The following SF3B2 variants were observed in gnomAD, a reference collection of about 807,000 sequenced individuals.
The protein encoded by SF3B2 is SAP 145.
A neutral mutation model predicts 116.3 loss-of-function variants in SF3B2; 22 were observed. The observed-to-expected ratio is 0.19, with a 90% CI of 0.14 to 0.27. SF3B2 has a LOEUF of 0.27. SF3B2 is among the 10% of genes least tolerant of loss of function. The probability of loss-of-function intolerance (pLI) is 1.00; values close to 1 mark genes in which losing one functional copy is unlikely to be tolerated. For missense variants in SF3B2, 767 were observed against 1,151.4 expected (o/e 0.67, Z 4.83); for synonymous variants, 406 against 421.6 (o/e 0.96, Z 0.45).
intron 19 of SF3B2, chr11:66,067,444 A>G (rs1465137096): frequency 2.2e-6 from 1 of 456,314 alleles, no homozygotes. Flanking sequence ...TGATGGGCAT[A>G]GTCTGGGGTG....
chr11:66,058,619 C>T (rs1290543058), intron 9 of SF3B2: 3 of 631,910 alleles, frequency 4.7e-6, no homozygotes, highest in South Asian at 2.0e-5. Flanking sequence ...TTCTGAGACG[C>T]ACAGTAATTT....
intron 4 of SF3B2, 90 bp downstream of exon 4, chr11:66,055,405 C>T (rs1413645155): frequency 3.8e-6 from 6 of 1,585,316 alleles, no homozygotes; most frequent in Non-Finnish European, 5.2e-6. Context: ...AGAACTAAGG[C>T]TTCTGGGAAG....
chr11:66,055,690 T>C (rs1420745464), intron 5 of SF3B2, 105 bp downstream of exon 5: 1 of 1,025,906 alleles, frequency 9.7e-7, no homozygotes, highest in Non-Finnish European at 1.5e-6. Context: ...GCTACTTTGT[T>C]CTCAACTAAG....
At chr11:66,058,022 A>T in intron 7 of SF3B2, 32 bp from the exon 8 acceptor site, 3 of 1,438,302 alleles carry the variant, frequency 2.1e-6, no homozygotes, top group Non-Finnish European at 2.9e-6. Context: ...GGGCACTGTG[A>T]TTTGCCTTCT....
intron 13 of SF3B2, 103 bp downstream of exon 13, chr11:66,060,112 T>C (rs1857076099): frequency 6.1e-6 from 6 of 978,934 alleles, no homozygotes; most frequent in South Asian, 4.4e-5. Flanking sequence ...TACCACCTAC[T>C]TGTTACTTGT....
chr11:66,062,143 T>G, intron 16 of SF3B2, 145 bp downstream of exon 16: 2 of 651,580 alleles, frequency 3.1e-6, no homozygotes, highest in South Asian at 3.9e-5. Flanking sequence ...TCATATACCA[T>G]GTGTATGTGT....
Position 66,060,633 on chromosome 11 carries a change from A to G in SF3B2, c.1681A>G (p.Met561Val). The G allele has an allele frequency of 6.2e-7, 1 of 1,614,174 alleles. No individual in the cohort carries two copies. Among genetic ancestry groups the G allele is most frequent in the Non-Finnish European group, 8.5e-7 (1 of 1,180,028 alleles). The change falls in exon 14 of 22, where the codon ATG (methionine) becomes GTG (valine). Residue 561 changes from methionine to valine, a missense_variant. Met to Val is a conservative substitution (Grantham distance 21). Coordinates refer to ENST00000322535, the MANE Select transcript of SF3B2 (RefSeq NM_006842.3). The part of the protein sequence containing the change: ...SKMREKVRPK[M>V]GKIDIDYQKL... ...AATGCGAGAGAAAGTTCGGCCTAAG[A>G]TGGGCAAAATTGACATCGACTACCA...
chr11:66,055,892 T>A (rs1466198842), intron 5 of SF3B2: 4 of 359,090 alleles, frequency 1.1e-5, no homozygotes, highest in Non-Finnish European at 2.0e-5. Context: ...ATATTTACCT[T>A]CTGACCTATT....
chr11:66,059,413 T>C lies in SF3B2; in HGVS notation c.1320+75T>C, dbSNP rs781290782. 121 of 1,609,766 alleles carry C rather than the reference T, an allele frequency of 7.5e-5. No individual in the cohort carries two copies. The highest frequency in any genetic ancestry group is 9.1e-5 in the Non-Finnish European group (107 of 1,176,588). Reference sequence around the variant, plus strand: ...CTGAGATGCATCCAGAGAGGGACCATGGTGAACTCTTACAGAGCTTTGGTG... The same window carrying C: ...CTGAGATGCATCCAGAGAGGGACCACGGTGAACTCTTACAGAGCTTTGGTG... On this transcript the variant is annotated intron_variant, in intron 11 of 21. Transcript: ENST00000322535. The surrounding 1 kb of genome is among the most constrained non-coding windows in gnomAD (Gnocchi z 5.0).
Position 66,061,570 on chromosome 11 carries a change from G to A in SF3B2, c.1780-116G>A. The A allele has an allele frequency of 3.9e-6, 3 of 775,654 alleles. No homozygotes were observed. The South Asian group carries it at 4.6e-5, about 12-fold the overall frequency. 48.0% of individuals were successfully genotyped at this position (775,654 alleles called of 1,614,324 possible). ...CTTTGGCCAGGGAAAGAAGTGATGAGAATCAGAGTGGGAGCCAGGTAGCCC... is the reference window on the plus strand; with the variant it reads ...CTTTGGCCAGGGAAAGAAGTGATGAAAATCAGAGTGGGAGCCAGGTAGCCC... On this transcript the variant is annotated intron_variant, in intron 14 of 21. Coordinates refer to ENST00000322535, the MANE Select transcript of SF3B2 (RefSeq NM_006842.3).
intron 5 of SF3B2, chr11:66,055,875 G>T: frequency 2.5e-6 from 1 of 401,186 alleles, no homozygotes; most frequent in South Asian, 6.5e-5. Context: ...AACCCATAAA[G>T]CCTAAAATAT....
chr11:66,067,938 C>T lies in SF3B2; in HGVS notation c.2331-8C>T, dbSNP rs571412771. ...GCTTTTTGGGCCTGATCCCATTGTC[C>T]TTCGCAGAAGTGAGACACCTCAGCT... is the stretch of plus-strand genomic sequence containing the variant. On this transcript the variant is annotated splice_polypyrimidine_tract_variant and splice_region_variant and intron_variant, in intron 19 of 21. Coordinates refer to ENST00000322535, the MANE Select transcript of SF3B2 (RefSeq NM_006842.3). 6.2e-7 allele frequency: 1 copy of T among 1,611,720 alleles called. No individual in the cohort carries two copies. Among genetic ancestry groups the T allele is most frequent in the South Asian group, 1.1e-5 (1 of 90,816 alleles).
At position 66,058,242 on chromosome 11, in the gene SF3B2, A is replaced by G. The variant is rs927066796; in HGVS notation, c.875-72A>G. On this transcript the variant is annotated intron_variant, in intron 8 of 21. Transcript: ENST00000322535. ...TCTGTCCCTTTCCCTGGCTCTTGGTAAAGGCAGGTTACTGTGAACGAGTGC... is the reference window on the plus strand; with the variant it reads ...TCTGTCCCTTTCCCTGGCTCTTGGTGAAGGCAGGTTACTGTGAACGAGTGC... 3.8e-6 allele frequency: 6 copies of G among 1,576,536 alleles called. No individual in the cohort carries two copies. The African/African-American group carries it at 8.1e-5, about 21-fold the overall frequency.
At position 66,055,057 on chromosome 11, in the gene SF3B2, GATC is replaced by G; in HGVS notation, c.259-16_259-14del. 6.7e-7 allele frequency: 1 copy of G among 1,498,928 alleles called. No homozygotes were observed. Among genetic ancestry groups the G allele is most frequent in the Non-Finnish European group, 8.9e-7 (1 of 1,123,128 alleles). 92.9% of individuals were successfully genotyped at this position (1,498,928 alleles called of 1,614,324 possible). ...GTAGATAAATGCTTCCTAGTTTTAT[GATC>G]ATATTTTCTCCACAGCTCCCTGGAA... On this transcript the variant is annotated splice_polypyrimidine_tract_variant and intron_variant, in intron 3 of 21. Coordinates refer to ENST00000322535, the MANE Select transcript of SF3B2 (RefSeq NM_006842.3).
intron 16 of SF3B2, among the ~76,000 whole-genome samples, chr11:66,062,203 C>T (rs1203408446): frequency 6.6e-6 from 1 of 152,242 alleles, no homozygotes; most frequent in South Asian, 2.1e-4. Context: ...ACATGCTCAT[C>T]ATAAAATATT....
At chr11:66,057,423 A>T in intron 7 of SF3B2, 48 bp downstream of exon 7, 1 of 918,538 alleles carries the variant, frequency 1.1e-6, no homozygotes, top group East Asian at 2.4e-5. Context: ...GTAGTTTAGG[A>T]TGGGACTATT....
At chr11:66,063,875 C>T (rs1857136740) in intron 19 of SF3B2, 146 bp downstream of exon 19, 11 of 564,076 alleles carry the variant, frequency 2.0e-5, no homozygotes, top group Middle Eastern at 5.0e-4. Context: ...AGTGAGGAGT[C>T]AGCAGTTGAG....
chr11:66,058,282 G>A (rs370687007), intron 8 of SF3B2, 32 bp from the exon 9 acceptor site: 48 of 1,600,890 alleles, frequency 3.0e-5, no homozygotes, highest in Non-Finnish European at 3.8e-5. Flanking sequence ...CAGTGGCACC[G>A]TGAAGACTCA....
At position 66,059,741 on chromosome 11, in the gene SF3B2, G is replaced by A. The variant is rs1857069412; in HGVS notation, c.1402-41G>A. On this transcript the variant is annotated intron_variant, in intron 12 of 21. Coordinates refer to ENST00000322535, the MANE Select transcript of SF3B2 (RefSeq NM_006842.3). The surrounding 1 kb of genome is among the most constrained non-coding windows in gnomAD (Gnocchi z 5.0). Reference sequence around the variant, plus strand: ...GGAAGAAGAGCTTCAGAACTGAGAAGTCGGGGCTCTCGAGAACACGCATTA... The same window carrying A: ...GGAAGAAGAGCTTCAGAACTGAGAAATCGGGGCTCTCGAGAACACGCATTA... 1 of 1,609,424 alleles carries A rather than the reference G, an allele frequency of 6.2e-7. No homozygotes were observed. The highest frequency in any genetic ancestry group is 8.5e-7 in the Non-Finnish European group (1 of 1,175,908).
Sources: gnomAD v4.1 joint callset for allele counts (sites outside exome capture counted in the v4.1 genomes callset) on GRCh38, gnomAD v4.1.1 for gene constraint, Gnocchi (gnomAD v3.1) non-coding constraint, MANE v1.5 for transcripts, NCBI Gene and HGNC (gene_info 2026-07-23, HGNC 2026-07-21) for gene names.